Variants in HIVEP3 observed in about 807,000 individuals in gnomAD.
The protein encoded by HIVEP3 is HIVEP zinc finger 3, also known as transcription factor HIVEP3.
Under a neutral mutation model 152.8 loss-of-function variants are expected in HIVEP3, and 49 were observed. The observed-to-expected ratio is 0.32, with a 90% CI of 0.26 to 0.41. HIVEP3 has a LOEUF of 0.41. Ranked by LOEUF, HIVEP3 falls within the 10% of genes least tolerant of loss-of-function variation. HIVEP3 has a pLI of 1.00. For synonymous variants in HIVEP3, 1,269 were observed against 1,289.0 expected, an observed-to-expected ratio of 0.98 and a Z score of 0.33; for missense variants, 2,790 against 3,103.3, an observed-to-expected ratio of 0.90 and a Z score of 2.40.
chr1:41,599,606 C>T (rs191778118), intron 3 of HIVEP3, among the ~76,000 whole-genome samples: 2 of 152,260 alleles, frequency 1.3e-5, no homozygotes, highest in Admixed American at 6.5e-5. Context: ...AAGACCTAAA[C>T]TCAGAGATAA....
In HIVEP3 at chr1:42,004,593, C is replaced by A. The variant is rs1279169244; in HGVS notation, n.119+31214G>T. On this transcript the variant is annotated intron_variant and non_coding_transcript_variant, in intron 1 of 3. Coordinates refer to the HIVEP3 transcript ENST00000489103. ...TCCATACTGTATGATCACATGAACT[C>A]TTCAGGAATGTAAGTTACTTATATA... is the stretch of plus-strand genomic sequence containing the variant. 9.9e-5 allele frequency among the ~76,000 whole-genome samples: 15 copies of A among 152,276 alleles called. No individual in the cohort carries two copies. In the East Asian group the frequency reaches 2.9e-3, roughly 29 times the overall value.
intron 1 of HIVEP3, among the ~76,000 whole-genome samples, chr1:42,026,093 C>T (rs945297953): frequency 2.0e-5 from 3 of 151,954 alleles, no homozygotes; most frequent in South Asian, 2.1e-4. Flanking sequence ...AAAAAATCTG[C>T]GAAAAGGCTT....
rs200550236 is a variant in HIVEP3, at chr1:41,583,215, G to A, written c.1583C>T (p.Pro528Leu). ...PEQSLLSLQH[P>L]PSTAPPVPLL... ...AGGCACAGGGGGGGCGGTACTGGGC[G>A]GGTGCTGGAGGCTCAGCAGTGATTG... Residue 528 changes from proline to leucine, a missense_variant, in exon 4 of 9, where the codon CCG (proline) becomes CTG (leucine). Coordinates refer to ENST00000372583, the MANE Select transcript of HIVEP3 (RefSeq NM_024503.5). This position sits in a 1 kb window ranked among gnomAD's most constrained non-coding sequence, Gnocchi z 6.9. 89 of 1,611,072 alleles carry A rather than the reference G, an allele frequency of 5.5e-5. No individual in the cohort carries two copies. The highest frequency in any genetic ancestry group is 1.9e-4 in the South Asian group (17 of 90,896).
chr1:41,856,710 G>T (rs1643777705), intron 1 of HIVEP3, among the ~76,000 whole-genome samples: 1 of 151,994 alleles, frequency 6.6e-6, no homozygotes, highest in African/African-American at 2.4e-5. Flanking sequence ...AGGGGAAAAG[G>T]AGTCATCCAG....
chr1:41,907,301 A>G (rs1423244430), intron 1 of HIVEP3, among the ~76,000 whole-genome samples: 1 of 152,208 alleles, frequency 6.6e-6, no homozygotes, highest in African/African-American at 2.4e-5. Context: ...GAGGGGCTAC[A>G]GTAAAAGAGA....
At chr1:41,518,572 C>G (rs952622452) in intron 6 of HIVEP3, 84 bp from the exon 7 acceptor site, 21 of 1,300,200 alleles carry the variant, frequency 1.6e-5, no homozygotes, top group Non-Finnish European at 2.3e-5. Context: ...AGCACCTGGC[C>G]GGCAGGCCAT....
At chr1:42,000,720 C>A (rs377543224) in intron 1 of HIVEP3, among the ~76,000 whole-genome samples, 5 of 152,172 alleles carry the variant, frequency 3.3e-5, no homozygotes, top group African/African-American at 1.2e-4. Flanking sequence ...TTCAAATCAG[C>A]ACCCAAAAAC....
At chr1:41,681,279 A>C (rs1284717740) in intron 2 of HIVEP3, among the ~76,000 whole-genome samples, 1 of 152,138 alleles carries the variant, frequency 6.6e-6, no homozygotes, top group African/African-American at 2.4e-5. Flanking sequence ...TCTTCTGTAG[A>C]GACAGCATCT....
intron 1 of HIVEP3, among the ~76,000 whole-genome samples, chr1:42,003,511 C>T (rs761573509): frequency 1.3e-4 from 20 of 152,206 alleles, no homozygotes; most frequent in Non-Finnish European, 2.2e-4. Flanking sequence ...CCGTGCACAT[C>T]GAAGTCGACT....
At chr1:41,665,899 G>A (rs1160015707) in intron 2 of HIVEP3, among the ~76,000 whole-genome samples, 1 of 152,116 alleles carries the variant, frequency 6.6e-6, no homozygotes. Context: ...ACACAATTTT[G>A]GAACCCACTG....
intron 2 of HIVEP3, among the ~76,000 whole-genome samples, chr1:41,695,638 C>T (rs965640191): frequency 1.7e-4 from 26 of 152,072 alleles, no homozygotes; most frequent in African/African-American, 5.6e-4. Context: ...GGGGGTCAGC[C>T]GGCTGCAGAC....
chr1:41,601,496 G>A (rs1558105777), intron 3 of HIVEP3, among the ~76,000 whole-genome samples: 1 of 151,852 alleles, frequency 6.6e-6, no homozygotes, highest in African/African-American at 2.4e-5. Flanking sequence ...CCTAAGTATT[G>A]TTTTAGGTGT....
intron 1 of HIVEP3, among the ~76,000 whole-genome samples, chr1:41,787,094 G>T (rs1649394701): frequency 6.6e-6 from 1 of 152,016 alleles, no homozygotes; most frequent in Admixed American, 6.6e-5. Context: ...AAAGGAAAAA[G>T]ATACAGGTGA....
At chr1:41,564,040 A>C (rs1454436599) in intron 5 of HIVEP3, among the ~76,000 whole-genome samples, 1 of 152,172 alleles carries the variant, frequency 6.6e-6, no homozygotes, top group African/African-American at 2.4e-5. Flanking sequence ...CAAAATACAA[A>C]AAATTAGCAG....
chr1:41,661,336 C>A (rs949074315), intron 2 of HIVEP3, among the ~76,000 whole-genome samples: 1 of 152,208 alleles, frequency 6.6e-6, no homozygotes, highest in African/African-American at 2.4e-5. Flanking sequence ...ATGCTATCTG[C>A]ACCTGTTTTG....
chr1:41,538,124 G>A (rs746707216), intron 5 of HIVEP3, among the ~76,000 whole-genome samples: 1 of 152,196 alleles, frequency 6.6e-6, no homozygotes, highest in Non-Finnish European at 1.5e-5. Context: ...GTGGGGGTGG[G>A]TGTCAGGTGG....
chr1:41,592,192 A>T (rs2149116503), intron 3 of HIVEP3, among the ~76,000 whole-genome samples: 1 of 152,280 alleles, frequency 6.6e-6, no homozygotes, highest in Non-Finnish European at 1.5e-5. Context: ...GCAAGGGCAG[A>T]TCAGGAGGCC....
In HIVEP3 at chr1:41,581,533, A is replaced by C. The variant is rs1196909664; in HGVS notation, c.3265T>G (p.Ser1089Ala). Reference protein sequence around the residue: ...PSAKSSLSQISSAATSHGGPP... With the variant: ...PSAKSSLSQIASAATSHGGPP... Reference sequence around the variant, plus strand: ...CCACCATGTGAGGTGGCCGCAGAGGAAATCTGGGACAATGAGCTTTTGGCA... The same window carrying C: ...CCACCATGTGAGGTGGCCGCAGAGGCAATCTGGGACAATGAGCTTTTGGCA... The change falls in exon 4 of 9, where the codon TCC becomes GCC. Residue 1089 changes from serine to alanine, a missense_variant. Coordinates refer to ENST00000372583, the MANE Select transcript of HIVEP3 (RefSeq NM_024503.5). This position sits in a 1 kb window ranked among gnomAD's most constrained non-coding sequence, Gnocchi z 4.5. 2.5e-6 allele frequency: 4 copies of C among 1,596,152 alleles called. No individual in the cohort carries two copies. Among genetic ancestry groups the C allele is most frequent in the Non-Finnish European group, 3.4e-6 (4 of 1,171,164 alleles).
At chr1:41,953,574 C>A (rs1645122297) in intron 1 of HIVEP3, among the ~76,000 whole-genome samples, 1 of 152,186 alleles carries the variant, frequency 6.6e-6, no homozygotes, top group South Asian at 2.1e-4. Flanking sequence ...AGATTTCTTA[C>A]TTGAATTTGT....
Sources: allele counts gnomAD v4.1 joint callset (sites outside exome capture counted in the v4.1 genomes callset), GRCh38; gene constraint gnomAD v4.1.1; non-coding constraint Gnocchi (gnomAD v3.1); transcripts MANE v1.5; gene names NCBI Gene and HGNC (gene_info 2026-07-23, HGNC 2026-07-21).